The following C6orf120 variants were observed in gnomAD, a reference collection of about 807,000 sequenced individuals.
The protein encoded by C6orf120 is chromosome 6 open reading frame 120.
For synonymous variants in C6orf120, 165 were observed against 123.1 expected (o/e 1.34, Z -2.25); for missense variants, 311 against 264.2 (o/e 1.18, Z -1.23).
chr6:169,702,694 T>G, exon 1 of C6orf120: 1 of 1,613,474 alleles, frequency 6.2e-7, no homozygotes, highest in Non-Finnish European at 8.5e-7. Flanking sequence ...TGCGGATCTG[T>G]ACGTCTCCGC....
chr6:169,703,853 C>T (rs892403911), exon 1 of C6orf120: 10 of 613,138 alleles, frequency 1.6e-5, no homozygotes, highest in Admixed American at 1.2e-4. Flanking sequence ...GAGTTAGTTT[C>T]GAGAGTAAGC....
At chr6:169,705,189 T>C (rs1473223177), downstream of C6orf120, 6 of 1,613,678 alleles carry the variant, frequency 3.7e-6, no homozygotes, top group African/African-American at 1.3e-5. Context: ...GTCACACATA[T>C]CACAGAACAT....
At chr6:169,705,414 A>G, downstream of C6orf120, 1 of 856,578 alleles carries the variant, frequency 1.2e-6, no homozygotes, top group Non-Finnish European at 1.9e-6. Flanking sequence ...ACTTCCAGAG[A>G]ATGGCTATAA....
chr6:169,703,955 C>T, exon 1 of C6orf120: 1 of 1,381,924 alleles, frequency 7.2e-7, no homozygotes, highest in Non-Finnish European at 9.8e-7. Flanking sequence ...TAAATGGCAC[C>T]AAATATTCCA....
exon 1 of C6orf120, chr6:169,704,007 C>G: frequency 6.3e-7 from 1 of 1,598,146 alleles, no homozygotes; most frequent in South Asian, 1.1e-5. Context: ...ACTATTTTAT[C>G]CCTCTTTGCT....
rs528455024 is a variant in C6orf120 at position 169,704,220 on chromosome 6, A to G, written c.*1185A>G. ...TGGATTTTGTGGTGAGAAGGGCACTATGAGTTCCTTAATTTAAGGAAAAAA... is the reference window on the plus strand; with the variant it reads ...TGGATTTTGTGGTGAGAAGGGCACTGTGAGTTCCTTAATTTAAGGAAAAAA... On this transcript the variant is annotated 3_prime_UTR_variant, in exon 1 of 1. Coordinates refer to ENST00000332290, the Ensembl canonical transcript of C6orf120. 1.5e-5 allele frequency: 9 copies of G among 600,674 alleles called. No individual in the cohort carries two copies. The African/African-American group carries it at 1.6e-4, about 10-fold the overall frequency. The allele number at this position is 600,674 out of a possible 1,614,324, so 37.2% of individuals were successfully genotyped here. A position where few individuals can be genotyped will look rare whatever the true frequency, so the allele number is the denominator to read the frequency against.
At chr6:169,704,060 C>A in exon 1 of C6orf120, 2 of 1,580,292 alleles carry the variant, frequency 1.3e-6, no homozygotes, top group East Asian at 2.3e-5. Context: ...TTGGGGGGGC[C>A]CGCTGACAAC....
At chr6:169,705,126 T>C (rs749753679), downstream of C6orf120, 5 of 1,589,264 alleles carry the variant, frequency 3.1e-6, no homozygotes, top group Admixed American at 3.5e-5. Context: ...CTTTTTTTAA[T>C]CTTTACCTGA....
chr6:169,703,784 A>C (rs746767978), exon 1 of C6orf120: 9 of 516,024 alleles, frequency 1.7e-5, no homozygotes, highest in Non-Finnish European at 2.7e-5. Flanking sequence ...ATTTCCACTG[A>C]ATTTTTGGAG....
exon 1 of C6orf120, chr6:169,704,144 T>A: frequency 7.5e-7 from 1 of 1,336,396 alleles, no homozygotes; most frequent in Non-Finnish European, 1.0e-6. Flanking sequence ...GACTGAATTT[T>A]AAGCCCATCT....
chr6:169,703,074 G>T lies in C6orf120; in HGVS notation c.*39G>T. 3 of 1,524,944 alleles carry T rather than the reference G, an allele frequency of 2.0e-6. No homozygotes were observed. The South Asian group carries it at 3.7e-5, about 19-fold the overall frequency. The allele number at this position is 1,524,944 out of a possible 1,614,324, so 94.5% of individuals were successfully genotyped here. On this transcript the variant is annotated 3_prime_UTR_variant, in exon 1 of 1. Transcript: ENST00000332290. ...CTCTGGGATATAAAACCCTCCATCT[G>T]TGAAGCTGATTGCAGTTTGCTGTGA...
chr6:169,704,116 G>A, exon 1 of C6orf120: 4 of 1,536,866 alleles, frequency 2.6e-6, no homozygotes, highest in South Asian at 1.2e-5. Flanking sequence ...AATATAGAAT[G>A]AAAAATTATC....
downstream of C6orf120, chr6:169,705,389 CT>C (rs1788746643): frequency 8.9e-7 from 1 of 1,126,560 alleles, no homozygotes; most frequent in Non-Finnish European, 1.3e-6. Context: ...ACATAAAATA[CT>C]AGTTTGCTTT....
downstream of C6orf120, chr6:169,704,980 G>C: frequency 2.0e-6 from 1 of 488,774 alleles, no homozygotes. Context: ...ATGAAAAGCT[G>C]GTGGACATGA....
At chr6:169,702,473 G>A (rs757563313) in exon 1 of C6orf120, 7 of 1,559,392 alleles carry the variant, frequency 4.5e-6, no homozygotes, top group East Asian at 2.4e-5. Context: ...GCCGCTCCCC[G>A]CGGGAGGGCC....
chr6:169,705,321 CCT>C (rs1562983689), downstream of C6orf120: 6 of 1,599,944 alleles, frequency 3.8e-6, no homozygotes, highest in Non-Finnish European at 3.4e-6. Context: ...AGAAGGATGG[CCT>C]AAATCAAAAC....
chr6:169,702,963 G>A (rs772348701), exon 1 of C6orf120: 6 of 1,606,046 alleles, frequency 3.7e-6, no homozygotes, highest in South Asian at 1.1e-5. Context: ...AAGACGCCTC[G>A]CAAGAGGAGG....
In C6orf120 at chr6:169,702,505, C is replaced by CTGCT; in HGVS notation, c.47_50dup (p.Leu18AlafsTer165). On this transcript the variant is annotated frameshift_variant, in exon 1 of 1. Transcript: ENST00000332290. LOFTEE classifies it low-confidence loss of function (END_TRUNC). ...GGCCGCGCCCTGGACGACGGCCCTGCTGCTGCTCCTAGCCTCGCAGGTCCT... is the reference window on the plus strand; with the variant it reads ...GGCCGCGCCCTGGACGACGGCCCTGCTGCTTGCTGCTCCTAGCCTCGCAGGTCCT... 1 of 1,601,800 alleles carries CTGCT rather than the reference C, an allele frequency of 6.2e-7. No homozygotes were observed.
Position 169,704,240 on chromosome 6 carries a change from A to G in C6orf120, c.*1205A>G, listed in dbSNP as rs938229945. On this transcript the variant is annotated 3_prime_UTR_variant, in exon 1 of 1. Transcript: ENST00000332290. ...GCACTATGAGTTCCTTAATTTAAGG[A>G]AAAAATGTAAACTTAATCAATGTAA... The G allele has an allele frequency of 2.9e-5, 16 of 560,520 alleles. No homozygotes were observed. In the African/African-American group the frequency reaches 3.2e-4, roughly 11 times the overall value. 34.7% of individuals were successfully genotyped at this position (560,520 alleles called of 1,614,324 possible). A position where few individuals can be genotyped will look rare whatever the true frequency, so the allele number is the denominator to read the frequency against.
Sources: gnomAD v4.1 joint callset for allele counts on GRCh38, gnomAD v4.1.1 for gene constraint, MANE v1.5 for transcripts, NCBI Gene and HGNC (gene_info 2026-07-23, HGNC 2026-07-21) for gene names.